ASTN2: variants seen among roughly 807,000 people sequenced by gnomAD.
ASTN2 encodes astrotactin-2.
Under a neutral mutation model 139.8 loss-of-function variants are expected in ASTN2, and 54 were observed. That is an observed-to-expected ratio of 0.39 (90% CI 0.31 to 0.48). The LOEUF (loss-of-function observed/expected upper bound fraction) is 0.48, where lower values mean the gene tolerates loss of function less well. Ranked by LOEUF, ASTN2 falls within the 20% of genes least tolerant of loss-of-function variation. The pLI is 0.95. For missense variants in ASTN2, 1,565 were observed against 1,725.1 expected, an observed-to-expected ratio of 0.91 and a Z score of 1.64; for synonymous variants, 756 against 719.5, an observed-to-expected ratio of 1.05 and a Z score of -0.81.
intron 16 of ASTN2, among the ~76,000 whole-genome samples, chr9:116,660,938 C>G (rs751830523): frequency 6.6e-6 from 1 of 152,246 alleles, no homozygotes; most frequent in Non-Finnish European, 1.5e-5. Context: ...CAGTTCTCCA[C>G]CATCCTACAA....
intron 2 of ASTN2, among the ~76,000 whole-genome samples, chr9:117,280,548 G>A (rs746570826): frequency 7.9e-5 from 12 of 152,118 alleles, no homozygotes; most frequent in South Asian, 2.1e-4. Flanking sequence ...AGAAATTAGC[G>A]TTCAATAGCC....
chr9:117,201,504 C>G (rs10759909), intron 3 of ASTN2, among the ~76,000 whole-genome samples: 2,092 of 151,992 alleles, frequency 0.014, 50 homozygotes, highest in African/African-American at 0.048. Context: ...CTTAACACTG[C>G]TTTAGCTGTG....
chr9:117,090,859 C>T (rs902910185), intron 5 of ASTN2, among the ~76,000 whole-genome samples: 1 of 152,230 alleles, frequency 6.6e-6, no homozygotes. Flanking sequence ...TGTACAAACA[C>T]TTGTTAGAGA....
At chr9:116,642,155 A>AAAAT (rs1554724609) in intron 17 of ASTN2, among the ~76,000 whole-genome samples, 4 of 149,794 alleles carry the variant, frequency 2.7e-5, no homozygotes, top group Non-Finnish European at 5.9e-5. Context: ...ACAAAAAAAA[A>AAAAT]CAGAATCAGT....
At chr9:117,146,502 A>C (rs1293112974) in intron 3 of ASTN2, among the ~76,000 whole-genome samples, 1 of 151,692 alleles carries the variant, frequency 6.6e-6, no homozygotes, top group African/African-American at 2.4e-5. Context: ...CAAGAATAAA[A>C]GAGATAACTG....
chr9:117,364,254 G>T (rs896890267), intron 1 of ASTN2, among the ~76,000 whole-genome samples: 2 of 152,096 alleles, frequency 1.3e-5, no homozygotes, highest in Non-Finnish European at 2.9e-5. Flanking sequence ...ACTTGTTCAA[G>T]GTCTTAGCCA....
intron 19 of ASTN2, chr9:116,540,636 T>C (rs1292446518): frequency 1.3e-5 from 2 of 152,176 alleles, no homozygotes; most frequent in Non-Finnish European, 2.9e-5. Context: ...AAGCAGGCCA[T>C]CTAAAGCCAC....
At chr9:117,251,793 G>C (rs1268054163) in intron 2 of ASTN2, among the ~76,000 whole-genome samples, 1 of 152,132 alleles carries the variant, frequency 6.6e-6, no homozygotes, top group East Asian at 1.9e-4. Flanking sequence ...ACTAATTCTT[G>C]CCAGGGAAGA....
chr9:117,006,119 A>G (rs1406484237), intron 7 of ASTN2, among the ~76,000 whole-genome samples: 1 of 152,154 alleles, frequency 6.6e-6, no homozygotes, highest in Non-Finnish European at 1.5e-5. Context: ...TAAAAGAAGT[A>G]TCCCATGAAG....
chr9:116,826,376 G>A (rs970941294), intron 11 of ASTN2, among the ~76,000 whole-genome samples: 3 of 152,186 alleles, frequency 2.0e-5, no homozygotes, highest in East Asian at 1.9e-4. Context: ...AGCATTTAAT[G>A]CTGGACTATG....
chr9:117,024,469 G>C (rs1837995473), intron 6 of ASTN2, among the ~76,000 whole-genome samples: 1 of 151,976 alleles, frequency 6.6e-6, no homozygotes, highest in Non-Finnish European at 1.5e-5. Context: ...AATATACTGA[G>C]CTCCCACTCT....
At chr9:117,367,899 A>G (rs919696416) in intron 1 of ASTN2, among the ~76,000 whole-genome samples, 4 of 152,100 alleles carry the variant, frequency 2.6e-5, no homozygotes, top group Non-Finnish European at 5.9e-5. Flanking sequence ...TACCTCTGCA[A>G]TGCCCTATCT....
intron 17 of ASTN2, among the ~76,000 whole-genome samples, chr9:116,632,209 GAA>G (rs1489066164): frequency 9.7e-5 from 6 of 61,930 alleles, no homozygotes; most frequent in African/African-American, 3.6e-4. Flanking sequence ...AGAAAGAAAA[GAA>G]AGAAAGAAAG....
At chr9:116,800,137 C>T (rs1464241053) in intron 13 of ASTN2, among the ~76,000 whole-genome samples, 1 of 152,068 alleles carries the variant, frequency 6.6e-6, no homozygotes, top group African/African-American at 2.4e-5. Context: ...CTTTTCATGT[C>T]TCCTTCAGTC....
At chr9:116,498,447 A>G (rs1849742932) in intron 19 of ASTN2, among the ~76,000 whole-genome samples, 1 of 148,944 alleles carries the variant, frequency 6.7e-6, no homozygotes, top group Admixed American at 6.7e-5. Flanking sequence ...AAAAAACAAA[A>G]AACAGCCAGG....
chr9:117,000,625 T>C lies in ASTN2; in HGVS notation c.1591+7467A>G, dbSNP rs140117457. Among the ~76,000 whole-genome samples, 89 of 152,328 alleles carry C rather than the reference T, an allele frequency of 5.8e-4. 1 individual carries two copies. The highest frequency in any genetic ancestry group is 5.6e-3 in the East Asian group (29 of 5,180). Reference sequence around the variant, plus strand: ...GAGCAAGTAGTCCTTGGATGTTCACTTTCTGTCCTCAGAGAGATGAAGATA... The same window carrying C: ...GAGCAAGTAGTCCTTGGATGTTCACCTTCTGTCCTCAGAGAGATGAAGATA... On this transcript the variant is annotated intron_variant, in intron 7 of 22. Coordinates refer to ENST00000313400, the MANE Select transcript of ASTN2 (RefSeq NM_001365068.1).
At chr9:116,538,236 GA>G (rs910229807) in intron 19 of ASTN2, among the ~76,000 whole-genome samples, 1 of 150,828 alleles carries the variant, frequency 6.6e-6, no homozygotes, top group Non-Finnish European at 1.5e-5. Context: ...CTGAGAGGGA[GA>G]AAAAGAAAGA....
At chr9:117,124,056 T>C (rs1433387139) in intron 4 of ASTN2, among the ~76,000 whole-genome samples, 1 of 152,172 alleles carries the variant, frequency 6.6e-6, no homozygotes. Context: ...TACATTTTCA[T>C]CTCTGTGGTG....
At chr9:117,396,652 G>A (rs182177097) in intron 1 of ASTN2, among the ~76,000 whole-genome samples, 31 of 152,134 alleles carry the variant, frequency 2.0e-4, no homozygotes, top group Admixed American at 1.1e-3. Context: ...TGCAAACTCC[G>A]CTTCCTGGGT....
Sources: allele counts gnomAD v4.1 joint callset (sites outside exome capture counted in the v4.1 genomes callset), GRCh38; gene constraint gnomAD v4.1.1; transcripts MANE v1.5; gene names NCBI Gene and HGNC (gene_info 2026-07-23, HGNC 2026-07-21).